Variants in SORCS3 observed in about 807,000 individuals in gnomAD.
The protein encoded by SORCS3 is sortilin related VPS10 domain containing receptor 3, also known as VPS10 domain-containing receptor SorCS3.
A neutral mutation model predicts 146.3 loss-of-function variants in SORCS3; 57 were observed. That is an observed-to-expected ratio of 0.39 (90% CI 0.31 to 0.49). The LOEUF (loss-of-function observed/expected upper bound fraction) is 0.49. Among genes scored for constraint, SORCS3 ranks in the 20% least tolerant of loss-of-function variants. SORCS3 has a pLI of 0.92. For missense variants in SORCS3, 1,341 were observed against 1,575.5 expected, an observed-to-expected ratio of 0.85 and a Z score of 2.52; for synonymous variants, 653 against 618.5, an observed-to-expected ratio of 1.06 and a Z score of -0.83.
intron 1 of SORCS3, among the ~76,000 whole-genome samples, chr10:104,824,620 C>CGCTGTCCCAGGTGCTGGA (rs2017914747): frequency 6.6e-6 from 1 of 152,154 alleles, no homozygotes; most frequent in South Asian, 2.1e-4. Context: ...AGGTGCTGAG[C>CGCTGTCCCAGGTGCTGGA]GCTGTCCCAG....
intron 4 of SORCS3, among the ~76,000 whole-genome samples, chr10:105,000,336 A>G (rs752979017): frequency 6.7e-6 from 1 of 149,336 alleles, no homozygotes; most frequent in African/African-American, 2.4e-5. Flanking sequence ...ACGTGTGTTC[A>G]TGTGTGTGTG....
chr10:104,953,030 C>T (rs1714527385), intron 3 of SORCS3, among the ~76,000 whole-genome samples: 1 of 152,160 alleles, frequency 6.6e-6, no homozygotes, highest in Non-Finnish European at 1.5e-5. Flanking sequence ...CCTTCTGGGG[C>T]TTATTGTGTA....
At chr10:105,095,178 C>T (rs1321094919) in intron 6 of SORCS3, among the ~76,000 whole-genome samples, 1 of 152,132 alleles carries the variant, frequency 6.6e-6, no homozygotes, top group East Asian at 1.9e-4. Context: ...CATTTCAGCT[C>T]ATTCAGACCC....
intron 1 of SORCS3, among the ~76,000 whole-genome samples, chr10:104,768,853 C>T (rs2017213197): frequency 6.6e-6 from 1 of 152,154 alleles, no homozygotes; most frequent in South Asian, 2.1e-4. Context: ...AATGAGAGCA[C>T]ATAGAGAGTG....
intron 1 of SORCS3, among the ~76,000 whole-genome samples, chr10:104,830,109 G>T (rs1311743153): frequency 6.6e-6 from 1 of 151,954 alleles, no homozygotes; most frequent in Non-Finnish European, 1.5e-5. Context: ...GTGTCCATGT[G>T]TTCTCATTGT....
intron 1 of SORCS3, among the ~76,000 whole-genome samples, chr10:104,734,925 A>G (rs1440384478): frequency 6.6e-6 from 1 of 152,226 alleles, no homozygotes; most frequent in Non-Finnish European, 1.5e-5. Flanking sequence ...AAGTATGTGC[A>G]GGGCCTGTTA....
At chr10:104,833,852 T>C (rs545673587) in intron 1 of SORCS3, among the ~76,000 whole-genome samples, 1 of 152,310 alleles carries the variant, frequency 6.6e-6, no homozygotes, top group South Asian at 2.1e-4. Flanking sequence ...ACTTCTCCAT[T>C]TGAATGTCTC....
chr10:104,827,536 T>C (rs2017951195), intron 1 of SORCS3, among the ~76,000 whole-genome samples: 1 of 152,160 alleles, frequency 6.6e-6, no homozygotes, highest in South Asian at 2.1e-4. Flanking sequence ...TGTAAAAAGA[T>C]GTGCTGTCAT....
chr10:104,713,412 A>G (rs967814905), intron 1 of SORCS3, among the ~76,000 whole-genome samples: 1 of 152,158 alleles, frequency 6.6e-6, no homozygotes, highest in Non-Finnish European at 1.5e-5. Flanking sequence ...AGCTCATGTC[A>G]TCATGCTAGC....
At chr10:104,912,203 G>A (rs892079096) in intron 2 of SORCS3, among the ~76,000 whole-genome samples, 3 of 152,172 alleles carry the variant, frequency 2.0e-5, no homozygotes, top group African/African-American at 7.2e-5. Flanking sequence ...AGGGTAACAC[G>A]TTGAGTGCAT....
intron 5 of SORCS3, among the ~76,000 whole-genome samples, chr10:105,049,670 A>C (rs1358613804): frequency 6.6e-6 from 1 of 152,086 alleles, no homozygotes; most frequent in Admixed American, 6.6e-5. Flanking sequence ...TTTGCAGCAA[A>C]ATGGATGGAG....
intron 5 of SORCS3, among the ~76,000 whole-genome samples, chr10:105,054,071 AGACCAGT>A (rs1182680314): frequency 6.6e-6 from 1 of 152,094 alleles, no homozygotes; most frequent in Non-Finnish European, 1.5e-5. Flanking sequence ...ATTTCTTATC[AGACCAGT>A]GAGTTTAGAC....
At chr10:104,949,598 G>A (rs559541694) in intron 3 of SORCS3, among the ~76,000 whole-genome samples, 2 of 152,300 alleles carry the variant, frequency 1.3e-5, no homozygotes, top group South Asian at 2.1e-4. Context: ...GACAAGATAG[G>A]TTATAAGGAG....
intron 2 of SORCS3, among the ~76,000 whole-genome samples, chr10:104,866,707 A>G (rs901077351): frequency 6.6e-6 from 1 of 152,128 alleles, no homozygotes; most frequent in Admixed American, 6.5e-5. Context: ...TTCATTGTTC[A>G]TTTCCATTTT....
intron 1 of SORCS3, among the ~76,000 whole-genome samples, chr10:104,752,084 G>T (rs2016994938): frequency 6.6e-6 from 1 of 150,526 alleles, no homozygotes; most frequent in African/African-American, 2.4e-5. Flanking sequence ...ACCCAGGCTG[G>T]GGTGCAGTGG....
At chr10:105,035,388 T>G (rs1246300653) in intron 4 of SORCS3, among the ~76,000 whole-genome samples, 1 of 152,176 alleles carries the variant, frequency 6.6e-6, no homozygotes, top group Non-Finnish European at 1.5e-5. Context: ...TTTGGGAAGC[T>G]GTGATCCTTA....
intron 13 of SORCS3, among the ~76,000 whole-genome samples, chr10:105,171,556 T>G (rs11192350): frequency 0.089 from 13,541 of 152,242 alleles, 745 homozygotes; most frequent in Admixed American, 0.16. Flanking sequence ...CTTTGGTTGT[T>G]TGTGCTAGCA....
At chr10:104,907,613 G>A (rs565927552) in intron 2 of SORCS3, among the ~76,000 whole-genome samples, 58 of 152,252 alleles carry the variant, frequency 3.8e-4, no homozygotes, top group African/African-American at 1.2e-3. Context: ...CCAATTTTCC[G>A]CATTTAGAAC....
intron 1 of SORCS3, among the ~76,000 whole-genome samples, chr10:104,668,257 G>A (rs1323316241): frequency 1.3e-5 from 2 of 152,186 alleles, no homozygotes; most frequent in Non-Finnish European, 2.9e-5. Context: ...AACTTGATCT[G>A]ACTTCTAAGG....
Sources: gnomAD v4.1 joint callset for allele counts (sites outside exome capture counted in the v4.1 genomes callset) on GRCh38, gnomAD v4.1.1 for gene constraint, MANE v1.5 for transcripts, NCBI Gene and HGNC (gene_info 2026-07-23, HGNC 2026-07-21) for gene names.